The following SPINT3 variants were observed in gnomAD, a reference collection of about 807,000 sequenced individuals.
The protein encoded by SPINT3 is serine peptidase inhibitor, Kunitz type 3, also known as kunitz-type protease inhibitor 3.
Under a neutral mutation model 3.3 loss-of-function variants are expected in SPINT3, and 4 were observed. That is an observed-to-expected ratio of 1.22 (90% confidence interval 0.60 to 2.79). The LOEUF is 2.79. SPINT3 is among the 30% of genes most tolerant of loss of function. SPINT3 has a pLI of 0.01. For synonymous variants in SPINT3, 30 were observed against 38.6 expected, an observed-to-expected ratio of 0.78 and a Z score of 0.83; for missense variants, 97 against 104.3, an observed-to-expected ratio of 0.93 and a Z score of 0.31.
chr20:45,512,813 G>A lies in SPINT3; in HGVS notation c.108C>T (p.Cys36=), dbSNP rs950573306. The A allele has an allele frequency of 1.8e-5, 28 of 1,551,662 alleles. No homozygotes were observed. The highest frequency in any genetic ancestry group is 3.3e-4 in the Middle Eastern group (2 of 5,988). Residue 36 remains cysteine (C), a synonymous_variant, in exon 2 of 2, where the codon TGC becomes TGT. Transcript: ENST00000217428. ...AAGGGCCCTTTTCCATAGGAAAAGC[G>A]CATACATTTGGGAGGAGATCCTTGA... is the stretch of plus-strand genomic sequence containing the variant. ...DTIKDLLPNV[C]AFPMEKGPCQ...
At position 45,515,381 on chromosome 20, in the gene SPINT3, A is replaced by G. The variant is rs78520717; in HGVS notation, c.76+152T>C. On this transcript the variant is annotated intron_variant, in intron 1 of 1. Transcript: ENST00000217428. ...TGCCTGGCACATAACTATGTGCCCA[A>G]CATATGTCTGATGAAGTGAATTGAA... 3.5e-3 allele frequency among the ~76,000 whole-genome samples: 527 copies of G among 152,290 alleles called. 2 individuals carry two copies. Among genetic ancestry groups the G allele is most frequent in the African/African-American group, 0.012 (506 of 41,558 alleles).
Position 45,515,605 on chromosome 20 carries a change from G to A in SPINT3, c.4C>T (p.Gln2Ter), listed in dbSNP as rs558255734. Residue 2 changes from glutamine (Q) to a stop codon, truncating the protein, a stop_gained, in exon 1 of 2, where the codon CAG becomes TAG. Transcript: ENST00000217428. LOFTEE classifies it high-confidence loss of function. M[Q>*]LQASLSFLLI... is the part of the protein sequence containing the mutation. ...AGAAACGAGAGAGAGGCCTGAAGCT[G>A]CATGGTGCCACTCAGCCAGTGGCTC... 2 of 1,551,436 alleles carry A rather than the reference G, an allele frequency of 1.3e-6. No homozygotes were observed. Among genetic ancestry groups the A allele is most frequent in the East Asian group, 2.4e-5 (1 of 40,898 alleles).
rs1047573638 is a variant in SPINT3 at position 45,512,581 on chromosome 20, A to G, written c.*70T>C. On this transcript the variant is annotated 3_prime_UTR_variant, in exon 2 of 2. Coordinates refer to ENST00000217428, the MANE Select transcript of SPINT3 (RefSeq NM_006652.2). Reference sequence around the variant, plus strand: ...CTTGTTCACACACACACACACACACACACGCAAATGCCTTCTATGGCCCTC... The same window carrying G: ...CTTGTTCACACACACACACACACACGCACGCAAATGCCTTCTATGGCCCTC... 29 of 1,382,374 alleles carry G rather than the reference A, an allele frequency of 2.1e-5. No homozygotes were observed. In the Middle Eastern group the frequency reaches 9.0e-4, roughly 43 times the overall value. The allele number at this position is 1,382,374 out of a possible 1,614,324, so 85.6% of individuals were successfully genotyped here.
rs1324159875 is a variant in SPINT3 at position 45,513,727 on chromosome 20, T to A, written c.77-883A>T. Among the ~76,000 whole-genome samples the A allele has an allele frequency of 3.3e-5, 5 of 152,336 alleles. No homozygotes were observed. The East Asian group carries it at 9.6e-4, about 29-fold the overall frequency. On this transcript the variant is annotated intron_variant, in intron 1 of 1. Coordinates refer to ENST00000217428, the MANE Select transcript of SPINT3 (RefSeq NM_006652.2). ...TCTTTGTACCCTCCTTTTATGTTTCTGTCACCATGTGGGCAGTTTTACTCT... is the reference window on the plus strand; with the variant it reads ...TCTTTGTACCCTCCTTTTATGTTTCAGTCACCATGTGGGCAGTTTTACTCT...
intron 1 of SPINT3, among the ~76,000 whole-genome samples, chr20:45,515,056 A>G (rs186533410): frequency 1.3e-5 from 2 of 152,176 alleles, no homozygotes; most frequent in East Asian, 3.9e-4. Context: ...TGCAGATTCC[A>G]AGCTTCCACA....
intron 1 of SPINT3, among the ~76,000 whole-genome samples, chr20:45,513,808 T>A (rs1174566761): frequency 1.3e-5 from 2 of 152,218 alleles, no homozygotes; most frequent in Non-Finnish European, 2.9e-5. Context: ...GCCAGATAAA[T>A]GAAGTACCTG....
At chr20:45,514,788 T>C (rs1029918818) in intron 1 of SPINT3, among the ~76,000 whole-genome samples, 2 of 152,232 alleles carry the variant, frequency 1.3e-5, no homozygotes, top group African/African-American at 2.4e-5. Flanking sequence ...CTATCATTAA[T>C]AGCTCCATGT....
Position 45,513,872 on chromosome 20 carries a change from C to T in SPINT3, c.77-1028G>A, listed in dbSNP as rs181017376. On this transcript the variant is annotated intron_variant, in intron 1 of 1. Coordinates refer to ENST00000217428, the MANE Select transcript of SPINT3 (RefSeq NM_006652.2). ...ACCAAGAATCAAACCCAGCATGGTT[C>T]GACTGCAAAGGCTTGCAGGTTCTCC... Among the ~76,000 whole-genome samples, 484 of 152,302 alleles carry T rather than the reference C, an allele frequency of 3.2e-3. 2 individuals are homozygous for T. Among genetic ancestry groups the T allele is most frequent in the African/African-American group, 0.011 (456 of 41,566 alleles).
In SPINT3 at chr20:45,512,579, A is replaced by C; in HGVS notation, c.*72T>G. 1 of 1,125,002 alleles carries C rather than the reference A, an allele frequency of 8.9e-7. No homozygotes were observed. The highest frequency in any genetic ancestry group is 1.5e-5 in the South Asian group (1 of 67,464). The allele number at this position is 1,125,002 out of a possible 1,614,324, so 69.7% of individuals were successfully genotyped here. On this transcript the variant is annotated 3_prime_UTR_variant, in exon 2 of 2. Transcript: ENST00000217428. The stretch of plus-strand genomic sequence containing the variant: ...CTCTTGTTCACACACACACACACAC[A>C]CACACGCAAATGCCTTCTATGGCCC...
chr20:45,514,326 C>T (rs1179982732), intron 1 of SPINT3, among the ~76,000 whole-genome samples: 2 of 152,162 alleles, frequency 1.3e-5, no homozygotes, highest in Non-Finnish European at 2.9e-5. Context: ...AAGTGCTTTA[C>T]AAGAATCTAT....
At chr20:45,512,887 TCTC>T in intron 1 of SPINT3, 43 bp from the exon 2 acceptor site, 1 of 1,499,556 alleles carries the variant, frequency 6.7e-7, no homozygotes, top group Non-Finnish European at 9.0e-7. Context: ...CCCATCACCT[TCTC>T]CTTGTTTGCC....
chr20:45,514,674 G>A (rs1267513816), intron 1 of SPINT3, among the ~76,000 whole-genome samples: 1 of 152,232 alleles, frequency 6.6e-6, no homozygotes, highest in Non-Finnish European at 1.5e-5. Flanking sequence ...CATGTTTCCA[G>A]TTGATACTGC....
chr20:45,512,667 A>T lies in SPINT3; in HGVS notation c.254T>A (p.Phe85Tyr). The T allele has an allele frequency of 6.4e-7, 1 of 1,551,576 alleles. No homozygotes were observed. The highest frequency in any genetic ancestry group is 8.7e-7 in the Non-Finnish European group (1 of 1,146,950). The change falls in exon 2 of 2, where the codon TTC becomes TAC. Residue 85 changes from phenylalanine (F) to tyrosine (Y), a missense_variant. By Grantham distance (22) the Phe-to-Tyr change is conservative (BLOSUM62 3). Transcript: ENST00000217428. ...NFLRKEKCEK[F>Y]CKFT ...GTTAGAAAATCAGGTGAACTTGCAG[A>T]ATTTCTCACATTTTTCTTTCCTCAA... is the stretch of plus-strand genomic sequence containing the variant.
Position 45,512,825 on chromosome 20 carries a change from G to A in SPINT3, c.96C>T (p.Leu32=). The change falls in exon 2 of 2, where the codon CTC becomes CTT. Residue 32 remains leucine, a synonymous_variant. Coordinates refer to ENST00000217428, the MANE Select transcript of SPINT3 (RefSeq NM_006652.2). ...ELARDTIKDL[L]PNVCAFPMEK... ...CCATAGGAAAAGCGCATACATTTGGGAGGAGATCCTTGATAGTGTCTGAAG... is the reference window on the plus strand; with the variant it reads ...CCATAGGAAAAGCGCATACATTTGGAAGGAGATCCTTGATAGTGTCTGAAG... The A allele has an allele frequency of 9.7e-6, 15 of 1,551,520 alleles. No individual in the cohort carries two copies. Among genetic ancestry groups the A allele is most frequent in the Non-Finnish European group, 1.2e-5 (14 of 1,146,922 alleles).
At chr20:45,513,558 T>G (rs1600861672) in intron 1 of SPINT3, among the ~76,000 whole-genome samples, 1 of 152,332 alleles carries the variant, frequency 6.6e-6, no homozygotes, top group East Asian at 1.9e-4. Flanking sequence ...CCAATAAGAC[T>G]CTTGAGAAGA....
Position 45,515,565 on chromosome 20 carries a change from A to G in SPINT3, c.44T>C (p.Leu15Pro). ...ASLSFLLILT[L>P]CLELRSELAR... ...TAGTTCTGATCGAAGCTCTAGGCAG[A>G]GAGTGAGAATCAGGAGAAACGAGAG... is the stretch of plus-strand genomic sequence containing the variant. The change falls in exon 1 of 2, where the codon CTC becomes CCC. Residue 15 changes from leucine (L) to proline (P), a missense_variant. Leu to Pro is a moderately conservative substitution (Grantham distance 98, BLOSUM62 -3). Transcript: ENST00000217428. 1 of 1,551,432 alleles carries G rather than the reference A, an allele frequency of 6.4e-7. No individual in the cohort carries two copies. The highest frequency in any genetic ancestry group is 2.4e-5 in the East Asian group (1 of 40,882).
intron 1 of SPINT3, 40 bp downstream of exon 1, chr20:45,515,493 T>C (rs1177698186): frequency 1.4e-6 from 2 of 1,399,502 alleles, no homozygotes; most frequent in Non-Finnish European, 2.0e-6. Context: ...CCCAGCCTGA[T>C]TCCCAGTCTA....
intron 1 of SPINT3, among the ~76,000 whole-genome samples, 188 bp from the exon 2 acceptor site, chr20:45,513,032 G>A (rs554337283): frequency 6.6e-6 from 1 of 152,354 alleles, no homozygotes; most frequent in African/African-American, 2.4e-5. Context: ...ACTTCTGAGA[G>A]TAGCCTGATG....
At chr20:45,513,576 C>T (rs1212146710) in intron 1 of SPINT3, among the ~76,000 whole-genome samples, 1 of 152,204 alleles carries the variant, frequency 6.6e-6, no homozygotes, top group Non-Finnish European at 1.5e-5. Context: ...AGAGGGACCT[C>T]ATTGTACTCA....
Sources: gnomAD v4.1 joint callset for allele counts (sites outside exome capture counted in the v4.1 genomes callset) on GRCh38, gnomAD v4.1.1 for gene constraint, MANE v1.5 for transcripts, NCBI Gene and HGNC (gene_info 2026-07-23, HGNC 2026-07-21) for gene names.